The following AMOTL1 variants were observed in gnomAD, a reference collection of about 807,000 sequenced individuals.
AMOTL1 encodes the protein angiomotin-like protein 1.
A neutral mutation model predicts 102.9 loss-of-function variants in AMOTL1; 45 were observed. The ratio of observed to expected loss-of-function variants is 0.44; its 90% CI spans 0.34 to 0.56. AMOTL1 has a LOEUF of 0.56. Ranked by LOEUF, AMOTL1 falls within the 20% of genes least tolerant of loss-of-function variation. The probability of loss-of-function intolerance (pLI) is 0.01; values close to 1 mark genes in which losing one functional copy is unlikely to be tolerated. For missense variants in AMOTL1, 1,114 were observed against 1,225.6 expected, an observed-to-expected ratio of 0.91 and a Z score of 1.36; for synonymous variants, 481 against 484.7, an observed-to-expected ratio of 0.99 and a Z score of 0.10.
chr11:94,817,281 G>A (rs1160482094), intron 3 of AMOTL1, among the ~76,000 whole-genome samples: 1 of 151,734 alleles, frequency 6.6e-6, no homozygotes, highest in Admixed American at 6.6e-5. Context: ...ATAACAACTT[G>A]TGATCCTGTT....
Position 94,871,671 on chromosome 11 carries a change from T to C in AMOTL1, c.*876T>C, listed in dbSNP as rs1386601045. On this transcript the variant is annotated 3_prime_UTR_variant, in exon 13 of 13. Coordinates refer to ENST00000433060, the MANE Select transcript of AMOTL1 (RefSeq NM_130847.3). ...CTGCTTCACCTTTGCATAGCTGGGTTGCAGCTGCGAACCTCATTCTGACTG... is the reference window on the plus strand; with the variant it reads ...CTGCTTCACCTTTGCATAGCTGGGTCGCAGCTGCGAACCTCATTCTGACTG... 1.3e-5 allele frequency: 2 copies of C among 152,220 alleles called. No individual in the cohort carries two copies. Among genetic ancestry groups the C allele is most frequent in the Non-Finnish European group, 2.9e-5 (2 of 68,030 alleles). The allele number at this position is 152,220 out of a possible 1,614,324, so 9.4% of individuals were successfully genotyped here. A position where few individuals can be genotyped will look rare whatever the true frequency, so the allele number is the denominator to read the frequency against.
intron 1 of AMOTL1, among the ~76,000 whole-genome samples, chr11:94,722,308 T>TTC (rs1950186465): frequency 6.6e-6 from 1 of 152,174 alleles, no homozygotes; most frequent in African/African-American, 2.4e-5. Context: ...TCCTCACATT[T>TTC]TATTCTGTTT....
chr11:94,750,053 A>G (rs1248946294), intron 3 of AMOTL1, among the ~76,000 whole-genome samples: 1 of 152,224 alleles, frequency 6.6e-6, no homozygotes, highest in Non-Finnish European at 1.5e-5. Context: ...CTTTATACAT[A>G]TAACCATTGT....
intron 3 of AMOTL1, among the ~76,000 whole-genome samples, chr11:94,754,636 TTAC>T (rs1950699285): frequency 6.6e-6 from 1 of 152,222 alleles, no homozygotes; most frequent in South Asian, 2.1e-4. Context: ...GTATTGCTTT[TTAC>T]TACTATCAGC....
intron 3 of AMOTL1, among the ~76,000 whole-genome samples, chr11:94,820,585 G>A (rs1951846225): frequency 6.6e-6 from 1 of 152,206 alleles, no homozygotes; most frequent in Non-Finnish European, 1.5e-5. Context: ...TCGCGGGGTT[G>A]GAGTAGTTTT....
At chr11:94,770,125 A>G (rs1950924161) in intron 1 of AMOTL1, among the ~76,000 whole-genome samples, 1 of 152,168 alleles carries the variant, frequency 6.6e-6, no homozygotes, top group South Asian at 2.1e-4. Flanking sequence ...CCCTGGCTGC[A>G]TACCACTCCT....
chr11:94,724,068 G>A (rs775255486), intron 1 of AMOTL1, among the ~76,000 whole-genome samples: 4 of 152,072 alleles, frequency 2.6e-5, no homozygotes, highest in Non-Finnish European at 5.9e-5. Context: ...CCTAGATGAC[G>A]GAGATCTTAA....
exon 2 of AMOTL1, chr11:94,729,053 C>A (rs574084462): frequency 7.8e-7 from 1 of 1,289,004 alleles, no homozygotes; most frequent in Non-Finnish European, 1.0e-6. Context: ...AGCACCAGAG[C>A]GGGTAAGGCC....
At chr11:94,726,707 A>G (rs1950266036) in intron 1 of AMOTL1, among the ~76,000 whole-genome samples, 1 of 152,294 alleles carries the variant, frequency 6.6e-6, no homozygotes. Flanking sequence ...TAAATACCCA[A>G]TAGAAATTCT....
At chr11:94,773,817 A>G (rs748104553) in intron 1 of AMOTL1, among the ~76,000 whole-genome samples, 10 of 152,194 alleles carry the variant, frequency 6.6e-5, no homozygotes, top group Admixed American at 4.6e-4. Context: ...AAAACACAGT[A>G]CTTAAAACTC....
upstream of AMOTL1, among the ~76,000 whole-genome samples, chr11:94,767,077 G>A (rs549076689): frequency 2.0e-5 from 3 of 152,000 alleles, no homozygotes; most frequent in Admixed American, 6.5e-5. Flanking sequence ...GCCTCTCTCC[G>A]CCCTTCCCAG....
chr11:94,826,741 A>G (rs1951972323), intron 4 of AMOTL1, among the ~76,000 whole-genome samples: 2 of 152,116 alleles, frequency 1.3e-5, no homozygotes, highest in Non-Finnish European at 2.9e-5. Flanking sequence ...TCCCAATGTC[A>G]CCACACTGGG....
chr11:94,729,384 A>C (rs916676781), intron 2 of AMOTL1, among the ~76,000 whole-genome samples: 31 of 152,158 alleles, frequency 2.0e-4, no homozygotes, highest in African/African-American at 7.5e-4. Context: ...CTGGTCAGAC[A>C]TCTTTGAGCA....
upstream of AMOTL1, among the ~76,000 whole-genome samples, chr11:94,765,673 T>C (rs553994192): frequency 1.1e-4 from 17 of 152,202 alleles, no homozygotes; most frequent in Non-Finnish European, 7.3e-5. Context: ...TAGCACTTCA[T>C]TGCAGGTCTA....
upstream of AMOTL1, among the ~76,000 whole-genome samples, chr11:94,766,688 G>A (rs1950858626): frequency 4.6e-5 from 7 of 152,118 alleles, no homozygotes; most frequent in Admixed American, 4.6e-4. Flanking sequence ...TGCGATTCAG[G>A]GTTCACAATG....
chr11:94,768,204 G>A, upstream of AMOTL1: 1 of 1,060,058 alleles, frequency 9.4e-7, no homozygotes, highest in Non-Finnish European at 1.2e-6. Context: ...GCAGTCTCGC[G>A]GCCCGGGGAG....
chr11:94,759,927 G>A (rs186145608), intron 3 of AMOTL1, among the ~76,000 whole-genome samples: 1 of 152,202 alleles, frequency 6.6e-6, no homozygotes, highest in African/African-American at 2.4e-5. Context: ...CTCAAAGTGT[G>A]GTCCATGGAC....
rs770738717 is a variant in AMOTL1, at chr11:94,821,797, C to T, written c.1389C>T (p.Tyr463=). The change falls in exon 4 of 13, where the codon TAC becomes TAT. Residue 463 remains tyrosine (Y), a synonymous_variant. Coordinates refer to ENST00000433060, the MANE Select transcript of AMOTL1 (RefSeq NM_130847.3). ...TTCACCAGGAACTTCAGGGTTACTA[C>T]GACAATGCCGACAAGCTCCACAAGG... ...RVLHQELQGY[Y]DNADKLHKFE... 1.1e-5 allele frequency: 18 copies of T among 1,613,922 alleles called. No individual in the cohort carries two copies. Among genetic ancestry groups the T allele is most frequent in the East Asian group, 8.9e-5 (4 of 44,878 alleles).
At chr11:94,713,315 C>G (rs183484797) in intron 1 of AMOTL1, among the ~76,000 whole-genome samples, 20 of 151,984 alleles carry the variant, frequency 1.3e-4, no homozygotes, top group African/African-American at 4.8e-4. Context: ...AGGTAGAGTT[C>G]TTCCTCCCAT....
Sources: allele counts gnomAD v4.1 joint callset (sites outside exome capture counted in the v4.1 genomes callset), GRCh38; gene constraint gnomAD v4.1.1; transcripts MANE v1.5; gene names NCBI Gene and HGNC (gene_info 2026-07-23, HGNC 2026-07-21).